The following RELT variants were observed in gnomAD, a reference collection of about 807,000 sequenced individuals.
The protein encoded by RELT is tumor necrosis factor receptor superfamily member 19L.
RELT carries 37 observed loss-of-function variants against 51.1 expected under a neutral mutation model. The observed-to-expected ratio is 0.72, with a 90% CI of 0.56 to 0.95. The LOEUF (loss-of-function observed/expected upper bound fraction) is 0.95, where lower values mean the gene tolerates loss of function less well. Among genes scored for constraint, RELT ranks in the 40% least tolerant of loss-of-function variants. The probability of loss-of-function intolerance (pLI) is 0.00; values close to 1 mark genes in which losing one functional copy is unlikely to be tolerated. For missense variants in RELT, 535 were observed against 572.6 expected, an observed-to-expected ratio of 0.93 and a Z score of 0.67; for synonymous variants, 241 against 235.7, an observed-to-expected ratio of 1.02 and a Z score of -0.21.
intron 10 of RELT, 54 bp downstream of exon 10, chr11:73,395,339 G>A (rs1866300397): frequency 6.3e-7 from 1 of 1,590,474 alleles, no homozygotes; most frequent in African/African-American, 1.3e-5. Flanking sequence ...CCTGACCGAA[G>A]ACGGGGCAGG....
intron 2 of RELT, 101 bp downstream of exon 2, chr11:73,389,282 G>A (rs1565221524): frequency 1.3e-6 from 1 of 779,336 alleles, no homozygotes; most frequent in African/African-American, 1.9e-5. Context: ...CCCCTGCTGG[G>A]CAGGGCTCAG....
At position 73,395,207 on chromosome 11, in the gene RELT, C is replaced by G; in HGVS notation, c.1167C>G (p.Pro389=). The G allele has an allele frequency of 6.2e-7, 1 of 1,613,296 alleles. No individual in the cohort carries two copies. The highest frequency in any genetic ancestry group is 1.7e-4 in the Middle Eastern group (1 of 6,060). The change falls in exon 10 of 11, where the codon CCC becomes CCG. Residue 389 remains proline, a synonymous_variant. Transcript: ENST00000064780. ...CTGACTCCCCACAGCCTGGCCTCCC[C>G]CCTGAGCAGCAGGCCCTGCTAGGAA... The part of the protein sequence containing the change: ...DLPDSPQPGL[P]PEQQALLGSG...
chr11:73,380,368 C>A (rs753413709), intron 1 of RELT, among the ~76,000 whole-genome samples: 1 of 152,164 alleles, frequency 6.6e-6, no homozygotes, highest in Non-Finnish European at 1.5e-5. Context: ...GGGTAGGGGG[C>A]AAGTGTAGTG....
Position 73,395,538 on chromosome 11 carries a change from C to A in RELT, c.*47C>A, listed in dbSNP as rs368373127. ...ACTGCGGCCCTGCCCTGGGAGGTTC[C>A]GAAGGCTTCCTGGAGGAGGTGGAGC... On this transcript the variant is annotated 3_prime_UTR_variant, in exon 11 of 11. Transcript: ENST00000064780. 1.5e-5 allele frequency: 12 copies of A among 780,830 alleles called. No homozygotes were observed. Among genetic ancestry groups the A allele is most frequent in the Non-Finnish European group, 2.9e-5 (12 of 418,414 alleles). The allele number at this position is 780,830 out of a possible 1,614,324, so 48.4% of individuals were successfully genotyped here.
intron 1 of RELT, among the ~76,000 whole-genome samples, chr11:73,377,439 A>C (rs991675141): frequency 5.3e-5 from 8 of 152,044 alleles, no homozygotes; most frequent in African/African-American, 1.7e-4. Context: ...ACCCCTCAGG[A>C]GTTCAGCTTG....
chr11:73,387,876 G>A (rs1166189803), intron 1 of RELT, among the ~76,000 whole-genome samples: 2 of 152,168 alleles, frequency 1.3e-5, no homozygotes, highest in African/African-American at 4.8e-5. Flanking sequence ...GCGGCCCTGA[G>A]CCAGTGGCTG....
rs952535205 is a variant in RELT, at chr11:73,388,328, C to A, written c.-25-784C>A. On this transcript the variant is annotated intron_variant, in intron 1 of 10. Coordinates refer to ENST00000064780, the MANE Select transcript of RELT (RefSeq NM_152222.2). This position sits in a 1 kb window ranked among gnomAD's most constrained non-coding sequence, Gnocchi z 4.1. ...CATACCGATTTCTCCAGTGCCCGCA[C>A]GCAGTAGGTGCTGGAGAGATGACAA... Among the ~76,000 whole-genome samples the A allele has an allele frequency of 6.6e-6, 1 of 152,238 alleles. No individual in the cohort carries two copies. Among genetic ancestry groups the A allele is most frequent in the Admixed American group, 6.5e-5 (1 of 15,290 alleles).
intron 6 of RELT, chr11:73,393,182 G>C (rs567225649): frequency 7.0e-6 from 7 of 1,000,194 alleles, no homozygotes; most frequent in South Asian, 4.2e-5. Flanking sequence ...GAAGTCTGGC[G>C]GGGGCAGGAA....
At chr11:73,389,298 C>T (rs1866174748) in intron 2 of RELT, 117 bp downstream of exon 2, 2 of 663,390 alleles carry the variant, frequency 3.0e-6, no homozygotes, top group Non-Finnish European at 4.9e-6. Context: ...CTCAGTTACT[C>T]AGCTCGTCAA....
At chr11:73,389,218 G>A (rs552488682) in intron 2 of RELT, 37 bp downstream of exon 2, 150 of 1,451,140 alleles carry the variant, frequency 1.0e-4, no homozygotes, top group East Asian at 1.6e-4. Flanking sequence ...GAGAAAAGCC[G>A]CACCCTCAGC....
chr11:73,379,882 C>A (rs1194533696), intron 1 of RELT, among the ~76,000 whole-genome samples: 2 of 152,224 alleles, frequency 1.3e-5, no homozygotes, highest in East Asian at 3.8e-4. Context: ...CCTTTCCTTC[C>A]AAGGCCTTTC....
At position 73,392,339 on chromosome 11, in the gene RELT, A is replaced by G. The variant is rs1219149814; in HGVS notation, c.496A>G (p.Ile166Val). 5 of 1,613,792 alleles carry G rather than the reference A, an allele frequency of 3.1e-6. No homozygotes were observed. Among genetic ancestry groups the G allele is most frequent in the African/African-American group, 1.3e-5 (1 of 75,056 alleles). Residue 166 changes from isoleucine (I) to valine (V), a missense_variant, in exon 6 of 11, where the codon ATC becomes GTC. Transcript: ENST00000064780. ...GGAGACAGCCGCCCAGTACGCGGTC[A>G]TCGCCATCGTCCCTGTCTTCTGCCT... ...PEETAAQYAV[I>V]AIVPVFCLMG...
In RELT at chr11:73,393,881, A is replaced by G. The variant is rs1454677721; in HGVS notation, c.670A>G (p.Ile224Val). Residue 224 changes from isoleucine to valine, a missense_variant, in exon 7 of 11, where the codon ATT becomes GTT. Transcript: ENST00000064780. ...GACTGAGGATGCCAATGAGGACACC[A>G]TTGGGGTCCTGGTGCGCTTGATCAC... ...YRTEDANEDTIGVLVRLITEK... is the reference protein window; with the variant it reads ...YRTEDANEDTVGVLVRLITEK... The G allele has an allele frequency of 1.2e-6, 2 of 1,613,892 alleles. No individual in the cohort carries two copies. The highest frequency in any genetic ancestry group is 2.2e-5 in the East Asian group (1 of 44,880).
chr11:73,376,414 T>G lies in RELT; in HGVS notation c.-111T>G, dbSNP rs1320710404. On this transcript the variant is annotated 5_prime_UTR_variant, in exon 1 of 11. Transcript: ENST00000064780. Reference sequence around the variant, plus strand: ...CGATTCATTCAAAAGGCGCGCAGGCTGCGCGGCTGTCCGGGCGCTCGCCGA... The same window carrying G: ...CGATTCATTCAAAAGGCGCGCAGGCGGCGCGGCTGTCCGGGCGCTCGCCGA... 6.6e-6 allele frequency: 1 copy of G among 151,832 alleles called. No homozygotes were observed. The highest frequency in any genetic ancestry group is 2.4e-5 in the African/African-American group (1 of 41,368). 9.4% of individuals were successfully genotyped at this position (151,832 alleles called of 1,614,324 possible).
At chr11:73,383,205 G>A (rs1032832623) in intron 1 of RELT, among the ~76,000 whole-genome samples, 11 of 152,162 alleles carry the variant, frequency 7.2e-5, no homozygotes, top group Non-Finnish European at 4.4e-5. Context: ...TGTGGGAGGG[G>A]GCAGGAGTGG....
chr11:73,393,796 T>C, intron 6 of RELT, 41 bp from the exon 7 acceptor site: 1 of 1,594,524 alleles, frequency 6.3e-7, no homozygotes, highest in Non-Finnish European at 8.6e-7. Context: ...GGAGTGCGGC[T>C]TCCCCCTCTT....
intron 1 of RELT, among the ~76,000 whole-genome samples, chr11:73,381,088 G>A (rs1866043777): frequency 6.6e-6 from 1 of 152,188 alleles, no homozygotes; most frequent in African/African-American, 2.4e-5. Flanking sequence ...CTAGAGAGAG[G>A]AGGCACTTGC....
At chr11:73,392,667 G>C in intron 6 of RELT, 199 bp downstream of exon 6, 1 of 1,424,878 alleles carries the variant, frequency 7.0e-7, no homozygotes, top group South Asian at 1.5e-5. Flanking sequence ...AGCAGAGGTG[G>C]CACAGCTGGT....
chr11:73,381,181 A>G (rs1246939479), intron 1 of RELT, among the ~76,000 whole-genome samples: 1 of 152,228 alleles, frequency 6.6e-6, no homozygotes, highest in Non-Finnish European at 1.5e-5. Flanking sequence ...TCTGGGAAAG[A>G]TGAGAGCTCT....
Sources: allele counts gnomAD v4.1 joint callset (sites outside exome capture counted in the v4.1 genomes callset), GRCh38; gene constraint gnomAD v4.1.1; non-coding constraint Gnocchi (gnomAD v3.1); transcripts MANE v1.5; gene names NCBI Gene and HGNC (gene_info 2026-07-23, HGNC 2026-07-21).